The following NIPBL variants were observed in gnomAD, a reference collection of about 807,000 sequenced individuals.
NIPBL encodes nipped-B-like protein.
Under a neutral mutation model 321.8 loss-of-function variants are expected in NIPBL, and 19 were observed. That is an observed-to-expected ratio of 0.06 (90% CI 0.04 to 0.09). The LOEUF (loss-of-function observed/expected upper bound fraction) is 0.09. Ranked by LOEUF, NIPBL falls within the 10% of genes least tolerant of loss-of-function variation. The pLI is 1.00. For synonymous variants in NIPBL, 1,106 were observed against 1,114.1 expected, an observed-to-expected ratio of 0.99 and a Z score of 0.14; for missense variants, 2,210 against 3,327.0, an observed-to-expected ratio of 0.66 and a Z score of 8.26.
intron 30 of NIPBL, 148 bp downstream of exon 30, chr5:37,024,867 A>AT (rs899972634): frequency 2.7e-5 from 17 of 636,292 alleles, no homozygotes; most frequent in Admixed American, 6.7e-5. Flanking sequence ...ACATACTTTA[A>AT]TTTTTTTTGT....
Position 37,057,100 on chromosome 5 carries a change from TG to T in NIPBL, c.7264-85del. 2.2e-6 allele frequency: 3 copies of T among 1,334,160 alleles called. 1 individual carries two copies. The South Asian group carries it at 3.7e-5, about 16-fold the overall frequency. 82.6% of individuals were successfully genotyped at this position (1,334,160 alleles called of 1,614,324 possible). A position where few individuals can be genotyped will look rare whatever the true frequency, so the allele number is the denominator to read the frequency against. ...TGTCTAACATTAAGTGAGGTGAAAG[TG>T]CCCTGTATTTTTTCTAAAAAAGGTT... On this transcript the variant is annotated intron_variant, in intron 42 of 46. Coordinates refer to ENST00000282516, the MANE Select transcript of NIPBL (RefSeq NM_133433.4).
At chr5:37,049,509 C>CT (rs1391102777) in intron 40 of NIPBL, among the ~76,000 whole-genome samples, 1 of 152,108 alleles carries the variant, frequency 6.6e-6, no homozygotes, top group Admixed American at 6.6e-5. Context: ...CTGTTATAAA[C>CT]TTGTAATTTC....
At chr5:37,017,806 T>C (rs1023398252) in intron 24 of NIPBL, among the ~76,000 whole-genome samples, 1 of 152,086 alleles carries the variant, frequency 6.6e-6, no homozygotes, top group Non-Finnish European at 1.5e-5. Flanking sequence ...TGAAATAATC[T>C]CAACCTTAGA....
intron 32 of NIPBL, among the ~76,000 whole-genome samples, chr5:37,032,051 C>T (rs1043301906): frequency 2.0e-5 from 3 of 152,104 alleles, no homozygotes; most frequent in African/African-American, 7.2e-5. Context: ...ATTAGAAATG[C>T]AAATTCTTAG....
Position 37,006,444 on chromosome 5 carries a change from A to G in NIPBL, c.3943A>G (p.Ile1315Val), listed in dbSNP as rs563606953. The G allele has an allele frequency of 1.5e-5, 24 of 1,612,814 alleles. No individual in the cohort carries two copies. Among genetic ancestry groups the G allele is most frequent in the South Asian group, 5.5e-5 (5 of 91,054 alleles). Reference protein sequence around the residue: ...TKSADACLTTINIMTSPNMPK... With the variant: ...TKSADACLTTVNIMTSPNMPK... The stretch of plus-strand genomic sequence containing the variant: ...ATCAGCGGATGCTTGTCTTACAACT[A>G]TCAACATTATGACATCCCCTAACAT... Residue 1315 changes from isoleucine (I) to valine (V), a missense_variant, in exon 17 of 47, where the codon ATC becomes GTC. Coordinates refer to ENST00000282516, the MANE Select transcript of NIPBL (RefSeq NM_133433.4).
intron 1 of NIPBL, among the ~76,000 whole-genome samples, chr5:36,905,499 T>G (rs2149538980): frequency 6.6e-6 from 1 of 152,320 alleles, no homozygotes; most frequent in Non-Finnish European, 1.5e-5. Context: ...CGGTTTCCCC[T>G]GTGCAGTTTT....
chr5:37,057,371 A>G, intron 43 of NIPBL, 39 bp downstream of exon 43: 1 of 1,575,166 alleles, frequency 6.3e-7, no homozygotes, highest in South Asian at 1.1e-5. Flanking sequence ...CCATCTGTCA[A>G]AGTGCAGGCA....
chr5:36,977,712 G>A (rs1580377111), intron 9 of NIPBL, among the ~76,000 whole-genome samples: 1 of 151,552 alleles, frequency 6.6e-6, no homozygotes, highest in East Asian at 1.9e-4. Context: ...CACCCAAATA[G>A]TGATCATAGT....
intron 46 of NIPBL, chr5:37,064,271 A>G: frequency 1.5e-6 from 2 of 1,364,176 alleles, no homozygotes; most frequent in Non-Finnish European, 1.9e-6. Flanking sequence ...ATGTAGCTAT[A>G]TGGTTCATAT....
At chr5:36,992,619 A>T (rs982730873) in intron 10 of NIPBL, among the ~76,000 whole-genome samples, 3 of 152,020 alleles carry the variant, frequency 2.0e-5, no homozygotes, top group African/African-American at 7.2e-5. Context: ...AGCTGAAATG[A>T]TCCTCCCATC....
intron 32 of NIPBL, among the ~76,000 whole-genome samples, chr5:37,036,041 G>GT: frequency 6.6e-6 from 1 of 152,022 alleles, no homozygotes; most frequent in East Asian, 1.9e-4. Flanking sequence ...GTGATACTGT[G>GT]TTTTTGATTG....
intron 1 of NIPBL, among the ~76,000 whole-genome samples, chr5:36,939,564 G>C (rs1403339300): frequency 6.6e-6 from 1 of 152,110 alleles, no homozygotes; most frequent in African/African-American, 2.4e-5. Context: ...TTTGTTTCCA[G>C]CTTTTCGCTA....
intron 1 of NIPBL, among the ~76,000 whole-genome samples, chr5:36,950,295 C>T (rs1438733616): frequency 6.6e-6 from 1 of 152,068 alleles, no homozygotes; most frequent in African/African-American, 2.4e-5. Flanking sequence ...TGTTCTTCAT[C>T]TGTTCTCCCG....
rs1219382813 is a variant in NIPBL, at chr5:36,985,606, C to G, written c.2426C>G (p.Ser809Cys). Residue 809 changes from serine to cysteine, a missense_variant, in exon 10 of 47, where the codon TCT becomes TGT. This residue lies in a region of NIPBL where 588 missense variants were observed against 564.1 expected (regional missense o/e 1.04). Coordinates refer to ENST00000282516, the MANE Select transcript of NIPBL (RefSeq NM_133433.4). ...EALKQRPDGR[S>C]VSESLRRDHD... is the part of the protein sequence containing the mutation. ...TTAAAGCAGAGACCTGATGGGCGATCTGTTTCTGAGTCACTAAGACGTGAC... is the reference window on the plus strand; with the variant it reads ...TTAAAGCAGAGACCTGATGGGCGATGTGTTTCTGAGTCACTAAGACGTGAC... 1 of 1,613,922 alleles carries G rather than the reference C, an allele frequency of 6.2e-7. No homozygotes were observed. Among genetic ancestry groups the G allele is most frequent in the Admixed American group, 1.7e-5 (1 of 59,894 alleles).
At chr5:36,928,636 A>G (rs767775399) in intron 1 of NIPBL, among the ~76,000 whole-genome samples, 1 of 152,178 alleles carries the variant, frequency 6.6e-6, no homozygotes, top group Non-Finnish European at 1.5e-5. Context: ...GAACCTTTTC[A>G]TCAGTCCCCA....
chr5:36,924,000 A>G lies in NIPBL; in HGVS notation c.-79-29618A>G, dbSNP rs564467117. 1.1e-4 allele frequency among the ~76,000 whole-genome samples: 16 copies of G among 152,320 alleles called. 1 individual carries two copies. Among genetic ancestry groups the G allele is most frequent in the Admixed American group, 7.2e-4 (11 of 15,300 alleles). On this transcript the variant is annotated intron_variant, in intron 1 of 46. Transcript: ENST00000282516. Reference sequence around the variant, plus strand: ...TAATTGTCCTATAGATGACATTGTTATAATTTGTTCACTCACATTGTTGCT... The same window carrying G: ...TAATTGTCCTATAGATGACATTGTTGTAATTTGTTCACTCACATTGTTGCT...
At chr5:36,963,641 A>C (rs1741878783) in intron 6 of NIPBL, among the ~76,000 whole-genome samples, 1 of 151,732 alleles carries the variant, frequency 6.6e-6, no homozygotes, top group Non-Finnish European at 1.5e-5. Context: ...GTCTCTACAA[A>C]AAAAAAAAAA....
intron 31 of NIPBL, among the ~76,000 whole-genome samples, chr5:37,027,024 A>G (rs1750359890): frequency 6.6e-6 from 1 of 152,130 alleles, no homozygotes; most frequent in African/African-American, 2.4e-5. Context: ...TAAGAAAAAT[A>G]TTTTTGTTCT....
chr5:37,063,337 A>G (rs1754997902), intron 45 of NIPBL, among the ~76,000 whole-genome samples: 1 of 152,178 alleles, frequency 6.6e-6, no homozygotes, highest in South Asian at 2.1e-4. Context: ...CTTATTTAAA[A>G]TTTTTCAACA....
Sources: gnomAD v4.1 joint callset for allele counts (sites outside exome capture counted in the v4.1 genomes callset) on GRCh38, gnomAD v4.1.1 for gene constraint, gnomAD v4.1.1 regional missense constraint, MANE v1.5 for transcripts, NCBI Gene and HGNC (gene_info 2026-07-23, HGNC 2026-07-21) for gene names.